The following BICDL1 variants were observed in gnomAD, a reference collection of about 807,000 sequenced individuals.
BICDL1 encodes the protein BICD family-like cargo adapter 1.
Under a neutral mutation model 76.8 loss-of-function variants are expected in BICDL1, and 20 were observed. That is an observed-to-expected ratio of 0.26 (90% CI 0.18 to 0.38). The LOEUF (loss-of-function observed/expected upper bound fraction) is 0.38, where lower values mean the gene tolerates loss of function less well. Ranked by LOEUF, BICDL1 falls within the 10% of genes least tolerant of loss-of-function variation. The pLI is 1.00. For synonymous variants in BICDL1, 383 were observed against 337.1 expected (o/e 1.14, Z -1.49); for missense variants, 700 against 798.6 (o/e 0.88, Z 1.49).
At chr12:120,038,446 T>G (rs1175934416) in intron 2 of BICDL1, among the ~76,000 whole-genome samples, 2 of 152,080 alleles carry the variant, frequency 1.3e-5, no homozygotes, top group African/African-American at 2.4e-5. Flanking sequence ...TATAAGTGTT[T>G]GTATTTTTTT....
At position 120,090,023 on chromosome 12, in the gene BICDL1, T is replaced by A. The variant is rs1330529600; in HGVS notation, c.1656T>A (p.Asp552Glu). 6.2e-7 allele frequency: 1 copy of A among 1,614,060 alleles called. No individual in the cohort carries two copies. Among genetic ancestry groups the A allele is most frequent in the Non-Finnish European group, 8.5e-7 (1 of 1,180,028 alleles). The change falls in exon 9 of 10, where the codon GAT becomes GAA. Residue 552 changes from aspartate (D) to glutamate (E), a missense_variant. Transcript: ENST00000548673. Reference protein sequence around the residue: ...DMMSLNSQLLDAIQQKLNLSQ... With the variant: ...DMMSLNSQLLEAIQQKLNLSQ... Reference sequence around the variant, plus strand: ...TGTCTCTGAACAGCCAGTTGCTGGATGCCATTCAGCAGAAACTGAACCTCT... The same window carrying A: ...TGTCTCTGAACAGCCAGTTGCTGGAAGCCATTCAGCAGAAACTGAACCTCT...
chr12:120,088,954 G>T (rs145633188), intron 8 of BICDL1, among the ~76,000 whole-genome samples: 1 of 152,120 alleles, frequency 6.6e-6, no homozygotes, highest in African/African-American at 2.4e-5. Context: ...GTGAGCCACC[G>T]CACCCGGCCT....
chr12:120,049,995 C>G (rs1456507695), intron 2 of BICDL1, among the ~76,000 whole-genome samples: 2 of 152,142 alleles, frequency 1.3e-5, no homozygotes, highest in Non-Finnish European at 2.9e-5. Flanking sequence ...TTAATTGTAG[C>G]CTTCTTATGA....
intron 2 of BICDL1, among the ~76,000 whole-genome samples, chr12:120,023,035 A>G (rs1362880544): frequency 2.0e-5 from 3 of 152,200 alleles, no homozygotes; most frequent in African/African-American, 7.2e-5. Flanking sequence ...TTCAGACAGT[A>G]GTTGCAACAG....
chr12:120,083,523 T>G (rs1324821860), intron 8 of BICDL1, among the ~76,000 whole-genome samples: 1 of 152,128 alleles, frequency 6.6e-6, no homozygotes, highest in Non-Finnish European at 1.5e-5. Flanking sequence ...GTGCTGAGAT[T>G]ATAAGCAAGA....
At chr12:120,025,163 G>A (rs1010059467) in intron 2 of BICDL1, among the ~76,000 whole-genome samples, 2 of 149,416 alleles carry the variant, frequency 1.3e-5, no homozygotes, top group African/African-American at 4.9e-5. Flanking sequence ...CCATTCTCCC[G>A]CCTCAGCCTC....
At position 120,045,797 on chromosome 12, in the gene BICDL1, A is replaced by T. The variant is rs1486705056; in HGVS notation, c.646-15913A>T. Reference sequence around the variant, plus strand: ...GATGGGGGGAGGGGGGAGGGATAGCATTGGGAGATATACCTAATGCTAGAT... The same window carrying T: ...GATGGGGGGAGGGGGGAGGGATAGCTTTGGGAGATATACCTAATGCTAGAT... On this transcript the variant is annotated intron_variant, in intron 2 of 9. Transcript: ENST00000548673. Among the ~76,000 whole-genome samples the T allele has an allele frequency of 9.3e-5, 14 of 150,602 alleles. No individual in the cohort carries two copies. In the East Asian group the frequency reaches 2.6e-3, roughly 27 times the overall value.
intron 2 of BICDL1, among the ~76,000 whole-genome samples, chr12:120,027,774 A>T (rs1952338502): frequency 6.6e-6 from 1 of 152,224 alleles, no homozygotes. Flanking sequence ...CATCCAAAAT[A>T]TGTTTGGTCT....
chr12:120,027,942 C>T (rs185091030), intron 2 of BICDL1, among the ~76,000 whole-genome samples: 49 of 152,294 alleles, frequency 3.2e-4, no homozygotes, highest in African/African-American at 1.1e-3. Flanking sequence ...GGCACCACAA[C>T]GTTGATCGTT....
intron 2 of BICDL1, among the ~76,000 whole-genome samples, chr12:120,054,042 G>C (rs10400560): frequency 1.3e-5 from 2 of 151,064 alleles, no homozygotes; most frequent in Non-Finnish European, 2.9e-5. Context: ...CAGGCATGGT[G>C]GTGGGCACCT....
chr12:120,035,981 T>C lies in BICDL1; in HGVS notation c.646-25729T>C, dbSNP rs530896893. ...ACACATTGTGAATTATTTTCTGTCT[T>C]CTTTCACTTAACATTTAGTTTTTAC... On this transcript the variant is annotated intron_variant, in intron 2 of 9. Coordinates refer to ENST00000548673, the MANE Select transcript of BICDL1 (RefSeq NM_001367886.1). Among the ~76,000 whole-genome samples the C allele has an allele frequency of 5.3e-5, 8 of 152,380 alleles. No homozygotes were observed. In the East Asian group the frequency reaches 1.3e-3, roughly 26 times the overall value.
chr12:120,052,815 C>T (rs1482422443), intron 2 of BICDL1, among the ~76,000 whole-genome samples: 2 of 152,204 alleles, frequency 1.3e-5, no homozygotes, highest in Non-Finnish European at 2.9e-5. Flanking sequence ...CTTTGTCACC[C>T]AGGCTGGAGT....
chr12:120,057,593 C>G (rs1158199903), intron 2 of BICDL1, among the ~76,000 whole-genome samples: 3 of 152,176 alleles, frequency 2.0e-5, no homozygotes, highest in Non-Finnish European at 4.4e-5. Context: ...GAACCAGATT[C>G]TATCTCTGAA....
chr12:120,061,549 G>C (rs1953105083), intron 2 of BICDL1, 161 bp from the exon 3 acceptor site: 1 of 661,674 alleles, frequency 1.5e-6, no homozygotes, highest in Admixed American at 2.3e-5. Context: ...AGTTTGTCCT[G>C]TTTTGGACTA....
Position 120,023,874 on chromosome 12 carries a change from G to GAC in BICDL1, c.645+25139_645+25140insCA, listed in dbSNP as rs1952234687. On this transcript the variant is annotated intron_variant, in intron 2 of 9. Coordinates refer to ENST00000548673, the MANE Select transcript of BICDL1 (RefSeq NM_001367886.1). ...TCTGTAATAAAGAGAATAATCTGTTGAAAGTGAGGCAGAGCTGACACACGT... is the reference window on the plus strand; with the variant it reads ...TCTGTAATAAAGAGAATAATCTGTTGACAAAGTGAGGCAGAGCTGACACACGT... Among the ~76,000 whole-genome samples, 7 of 152,166 alleles carry GAC rather than the reference G, an allele frequency of 4.6e-5. No homozygotes were observed. In the South Asian group the frequency reaches 1.5e-3, roughly 32 times the overall value.
intron 8 of BICDL1, among the ~76,000 whole-genome samples, chr12:120,088,547 G>A (rs1874632618): frequency 6.6e-6 from 1 of 151,452 alleles, no homozygotes; most frequent in Non-Finnish European, 1.5e-5. Context: ...AGCAGAGATG[G>A]GTTTTCGCCA....
rs57089775 is a variant in BICDL1, at chr12:120,040,751, C to CTTTTTTTTT, written c.646-20952_646-20944dup. ...ATGTTGGAACATTTAATAGGAAATA[C>CTTTTTTTTT]TTTTTTTTTTTTTTTGTAGACAGTC... On this transcript the variant is annotated intron_variant, in intron 2 of 9. Coordinates refer to ENST00000548673, the MANE Select transcript of BICDL1 (RefSeq NM_001367886.1). Among the ~76,000 whole-genome samples, 205 of 134,296 alleles carry CTTTTTTTTT rather than the reference C, an allele frequency of 1.5e-3. 7 individuals are homozygous for CTTTTTTTTT. Among genetic ancestry groups the CTTTTTTTTT allele is most frequent in the African/African-American group, 4.8e-3 (158 of 32,598 alleles). 88.1% of individuals were successfully genotyped at this position (134,296 alleles called of 152,430 possible).
intron 2 of BICDL1, among the ~76,000 whole-genome samples, chr12:120,039,637 C>CAAAAAA (rs58284420): frequency 0.012 from 609 of 51,936 alleles, 5 homozygotes; most frequent in Non-Finnish European, 0.013. Context: ...GACTCCGTCT[C>CAAAAAA]AAAAAAAAAA....
chr12:120,046,285 G>A (rs543027901), intron 2 of BICDL1, among the ~76,000 whole-genome samples: 6 of 152,094 alleles, frequency 3.9e-5, no homozygotes, highest in Admixed American at 6.6e-5. Context: ...GCTCTTTAAG[G>A]TCTGCTCTTA....
Sources: gnomAD v4.1 joint callset for allele counts (sites outside exome capture counted in the v4.1 genomes callset) on GRCh38, gnomAD v4.1.1 for gene constraint, MANE v1.5 for transcripts, NCBI Gene and HGNC (gene_info 2026-07-23, HGNC 2026-07-21) for gene names.